The following CDH7 variants were observed in gnomAD, a reference collection of about 807,000 sequenced individuals.
CDH7 encodes the protein cadherin 7, also known as cadherin-7.
A neutral mutation model predicts 71.8 loss-of-function variants in CDH7; 25 were observed. That is an observed-to-expected ratio of 0.35 (90% CI 0.25 to 0.49). The LOEUF is 0.49. Among genes scored for constraint, CDH7 ranks in the 20% least tolerant of loss-of-function variants. The pLI is 0.99. For synonymous variants in CDH7, 381 were observed against 363.8 expected, an observed-to-expected ratio of 1.05 and a Z score of -0.54; for missense variants, 862 against 974.6, an observed-to-expected ratio of 0.88 and a Z score of 1.54.
At chr18:65,874,704 T>C (rs766034533) in intron 11 of CDH7, among the ~76,000 whole-genome samples, 1 of 151,700 alleles carries the variant, frequency 6.6e-6, no homozygotes, top group Non-Finnish European at 1.5e-5. Flanking sequence ...ATATTTTATA[T>C]GTATATACTT....
intron 2 of CDH7, among the ~76,000 whole-genome samples, chr18:65,799,399 C>T (rs1270383188): frequency 4.6e-5 from 7 of 151,992 alleles, no homozygotes; most frequent in East Asian, 3.9e-4. Flanking sequence ...CAATCCTGGC[C>T]GGGTGCGGTG....
chr18:65,843,722 C>G, intron 6 of CDH7, 90 bp from the exon 7 acceptor site: 1 of 1,232,572 alleles, frequency 8.1e-7, no homozygotes, highest in African/African-American at 1.5e-5. Context: ...CAGAGTCCTT[C>G]CTAAGCTTAT....
chr18:65,853,723 C>T (rs149573407), intron 7 of CDH7, among the ~76,000 whole-genome samples: 1 of 151,740 alleles, frequency 6.6e-6, no homozygotes, highest in East Asian at 1.9e-4. Context: ...CAAACATGCC[C>T]TGACCTCCTT....
At chr18:65,879,497 G>T (rs1048335364) in intron 11 of CDH7, among the ~76,000 whole-genome samples, 3 of 152,034 alleles carry the variant, frequency 2.0e-5, no homozygotes, top group African/African-American at 7.2e-5. Flanking sequence ...TTGTAGTTTA[G>T]TTGAAGTTGC....
At chr18:65,764,074 A>C (rs1252207134) in intron 2 of CDH7, among the ~76,000 whole-genome samples, 1 of 152,116 alleles carries the variant, frequency 6.6e-6, no homozygotes, top group Non-Finnish European at 1.5e-5. Flanking sequence ...AAAATGAAGC[A>C]TAGCTACCTA....
upstream of CDH7, chr18:65,750,931 C>A (rs1390975575): frequency 6.6e-6 from 1 of 152,268 alleles, no homozygotes; most frequent in East Asian, 1.9e-4. Context: ...GGGCAGGGTC[C>A]CCGCGCACCG....
intron 7 of CDH7, among the ~76,000 whole-genome samples, chr18:65,846,752 G>T (rs1285438477): frequency 6.6e-6 from 1 of 152,102 alleles, no homozygotes; most frequent in Non-Finnish European, 1.5e-5. Flanking sequence ...ATGTCACCTT[G>T]TCTTCTGTGT....
intron 2 of CDH7, among the ~76,000 whole-genome samples, chr18:65,785,610 A>G (rs1269775598): frequency 6.6e-6 from 1 of 152,090 alleles, no homozygotes. Context: ...AAAAGAAAAA[A>G]AAACTAAGTG....
intron 3 of CDH7, among the ~76,000 whole-genome samples, chr18:65,812,303 G>C (rs1022493217): frequency 6.6e-6 from 1 of 151,990 alleles, no homozygotes; most frequent in Non-Finnish European, 1.5e-5. Flanking sequence ...TATATACTTG[G>C]CTGATTCAAA....
chr18:65,816,628 T>A (rs776133789), intron 4 of CDH7, among the ~76,000 whole-genome samples: 1 of 152,174 alleles, frequency 6.6e-6, no homozygotes, highest in Non-Finnish European at 1.5e-5. Flanking sequence ...GAAAATAACA[T>A]GACTAAAATC....
At chr18:65,757,306 A>G (rs919391383) in intron 1 of CDH7, among the ~76,000 whole-genome samples, 1 of 152,208 alleles carries the variant, frequency 6.6e-6, no homozygotes, top group African/African-American at 2.4e-5. Flanking sequence ...ATTGGAACAA[A>G]ATGGTAGCAT....
At chr18:65,771,510 AAACAAAC>A (rs1435708114) in intron 2 of CDH7, among the ~76,000 whole-genome samples, 2 of 151,780 alleles carry the variant, frequency 1.3e-5, no homozygotes, top group African/African-American at 4.8e-5. Flanking sequence ...AATAAAAAAC[AAACAAAC>A]AAAAAATTAG....
chr18:65,785,924 G>T (rs1295984430), intron 2 of CDH7, among the ~76,000 whole-genome samples: 1 of 152,128 alleles, frequency 6.6e-6, no homozygotes, highest in Non-Finnish European at 1.5e-5. Context: ...TATTATACTA[G>T]GATACTGGAT....
chr18:65,787,610 A>G (rs767772635), intron 2 of CDH7, among the ~76,000 whole-genome samples: 2 of 152,208 alleles, frequency 1.3e-5, no homozygotes, highest in Admixed American at 1.3e-4. Flanking sequence ...ATTCTACACA[A>G]GGAAAGACTG....
chr18:65,751,882 G>C (rs1915890669), intron 1 of CDH7, among the ~76,000 whole-genome samples: 1 of 152,100 alleles, frequency 6.6e-6, no homozygotes, highest in East Asian at 1.9e-4. Context: ...AATGAGAAAA[G>C]ACCCGTTATT....
intron 6 of CDH7, among the ~76,000 whole-genome samples, chr18:65,839,037 TC>T (rs1413185099): frequency 1.5e-4 from 23 of 152,296 alleles, no homozygotes; most frequent in Admixed American, 2.6e-4. Context: ...TACAAAAACC[TC>T]ATGAGGTTGA....
At chr18:65,850,398 G>A (rs943721310) in intron 7 of CDH7, among the ~76,000 whole-genome samples, 3 of 151,436 alleles carry the variant, frequency 2.0e-5, no homozygotes, top group Admixed American at 6.6e-5. Flanking sequence ...AAATAATTGG[G>A]TATAGCTCAA....
intron 6 of CDH7, among the ~76,000 whole-genome samples, chr18:65,836,027 G>A (rs73963804): frequency 0.013 from 1,918 of 152,222 alleles, 36 homozygotes; most frequent in African/African-American, 0.044. Context: ...ACCCAAGCTT[G>A]GAGTGATGCA....
At chr18:65,786,630 A>AGT (rs1910522905) in intron 2 of CDH7, among the ~76,000 whole-genome samples, 1 of 152,192 alleles carries the variant, frequency 6.6e-6, no homozygotes, top group African/African-American at 2.4e-5. Context: ...GATAACGCTG[A>AGT]TAACTCTCTG....
Sources: gnomAD v4.1 joint callset for allele counts (sites outside exome capture counted in the v4.1 genomes callset) on GRCh38, gnomAD v4.1.1 for gene constraint, MANE v1.5 for transcripts, NCBI Gene and HGNC (gene_info 2026-07-23, HGNC 2026-07-21) for gene names.